The following RBFOX1 variants were observed in gnomAD, a reference collection of about 807,000 sequenced individuals.
The protein encoded by RBFOX1 is RNA binding fox-1 homolog 1.
In RBFOX1, 8 loss-of-function variants were observed where a neutral mutation model predicts 57.7. The ratio of observed to expected loss-of-function variants is 0.14; its 90% CI spans 0.08 to 0.25. The LOEUF is 0.25. Ranked by LOEUF, RBFOX1 falls within the 10% of genes least tolerant of loss-of-function variation. The pLI is 1.00. For synonymous variants in RBFOX1, 326 were observed against 222.4 expected, an observed-to-expected ratio of 1.47 and a Z score of -4.15; for missense variants, 611 against 548.5, an observed-to-expected ratio of 1.11 and a Z score of -1.14.
At chr16:6,149,545 C>G (rs2096783015) in intron 1 of RBFOX1, among the ~76,000 whole-genome samples, 1 of 152,170 alleles carries the variant, frequency 6.6e-6, no homozygotes, top group Non-Finnish European at 1.5e-5. Context: ...CTGGTGCTGA[C>G]TGGGTGAAAT....
intron 2 of RBFOX1, among the ~76,000 whole-genome samples, chr16:5,484,528 A>C (rs1258935098): frequency 6.6e-6 from 1 of 152,142 alleles, no homozygotes; most frequent in African/African-American, 2.4e-5. Flanking sequence ...CCTGTAATCC[A>C]GCCCTTTGGG....
chr16:6,020,461 C>G (rs988328790), intron 1 of RBFOX1, among the ~76,000 whole-genome samples: 1 of 152,118 alleles, frequency 6.6e-6, no homozygotes, highest in Non-Finnish European at 1.5e-5. Flanking sequence ...CCCCGAACCC[C>G]TTGTGGGAGG....
At chr16:6,989,398 A>T (rs1246638294) in intron 3 of RBFOX1, among the ~76,000 whole-genome samples, 5 of 152,184 alleles carry the variant, frequency 3.3e-5, no homozygotes, top group African/African-American at 1.2e-4. Context: ...TGTATAATGA[A>T]TTACAATTTG....
chr16:6,478,429 A>ATTTTTT (rs58352204), intron 2 of RBFOX1, among the ~76,000 whole-genome samples: 301 of 24,482 alleles, frequency 0.012, 20 homozygotes, highest in South Asian at 0.018. Context: ...ATATATATAT[A>ATTTTTT]TTTTTTTTTT....
intron 4 of RBFOX1, among the ~76,000 whole-genome samples, chr16:7,117,062 C>G (rs1377247634): frequency 1.3e-5 from 2 of 151,964 alleles, no homozygotes; most frequent in Non-Finnish European, 2.9e-5. Flanking sequence ...CAAACATCAG[C>G]TATAAATACT....
At chr16:6,313,265 T>C (rs1010745532) in intron 1 of RBFOX1, among the ~76,000 whole-genome samples, 8 of 151,956 alleles carry the variant, frequency 5.3e-5, no homozygotes, top group Non-Finnish European at 8.8e-5. Flanking sequence ...AGGAGTAAGG[T>C]AGGTTTGGAA....
At chr16:7,452,480 T>G (rs2057556832) in intron 4 of RBFOX1, among the ~76,000 whole-genome samples, 1 of 152,186 alleles carries the variant, frequency 6.6e-6, no homozygotes, top group Non-Finnish European at 1.5e-5. Flanking sequence ...GTCTTTCCCA[T>G]TACAGAAAGT....
At chr16:7,095,398 A>T (rs1423292968) in intron 4 of RBFOX1, among the ~76,000 whole-genome samples, 1 of 152,124 alleles carries the variant, frequency 6.6e-6, no homozygotes, top group Non-Finnish European at 1.5e-5. Flanking sequence ...TCAGCCTCCC[A>T]CAGTGCTGGG....
intron 12 of RBFOX1, among the ~76,000 whole-genome samples, chr16:7,662,555 G>A (rs1266870646): frequency 6.6e-6 from 1 of 152,182 alleles, no homozygotes; most frequent in Non-Finnish European, 1.5e-5. Flanking sequence ...GTCAGGAACT[G>A]AGAATAGAAT....
chr16:5,778,757 CT>C (rs2054231503), intron 3 of RBFOX1, among the ~76,000 whole-genome samples: 1 of 152,104 alleles, frequency 6.6e-6, no homozygotes, highest in African/African-American at 2.4e-5. Context: ...GAGTTTTCCC[CT>C]AGTTTGAGCT....
At chr16:6,276,904 A>G (rs1025052390) in intron 1 of RBFOX1, among the ~76,000 whole-genome samples, 1 of 151,690 alleles carries the variant, frequency 6.6e-6, no homozygotes, top group African/African-American at 2.4e-5. Flanking sequence ...TGTGCTTTAT[A>G]TTCGGTACTT....
At chr16:6,047,056 T>C (rs930926035) in intron 1 of RBFOX1, among the ~76,000 whole-genome samples, 13 of 152,170 alleles carry the variant, frequency 8.5e-5, no homozygotes, top group African/African-American at 2.7e-4. Context: ...GCTGAAGATA[T>C]ATTCTCGGAC....
At chr16:6,985,404 C>G (rs1289189051) in intron 3 of RBFOX1, among the ~76,000 whole-genome samples, 1 of 152,148 alleles carries the variant, frequency 6.6e-6, no homozygotes. Flanking sequence ...CAAGGTGACT[C>G]AGGAGGCTTA....
At chr16:5,871,512 G>T (rs577748279) in intron 4 of RBFOX1, among the ~76,000 whole-genome samples, 1 of 152,040 alleles carries the variant, frequency 6.6e-6, no homozygotes, top group Non-Finnish European at 1.5e-5. Context: ...CTGTTTTATC[G>T]CAAAAACGCA....
intron 3 of RBFOX1, among the ~76,000 whole-genome samples, chr16:6,691,897 C>G (rs1401922032): frequency 1.3e-5 from 2 of 149,176 alleles, no homozygotes; most frequent in African/African-American, 5.2e-5. Flanking sequence ...CAGAAAGATG[C>G]TACTTTTCTG....
At chr16:6,971,171 G>C (rs2085450981) in intron 3 of RBFOX1, among the ~76,000 whole-genome samples, 1 of 152,146 alleles carries the variant, frequency 6.6e-6, no homozygotes, top group Non-Finnish European at 1.5e-5. Context: ...GGAAATTATT[G>C]GGAAAAAGTA....
At chr16:6,379,718 C>T (rs879658575) in intron 2 of RBFOX1, among the ~76,000 whole-genome samples, 11 of 149,672 alleles carry the variant, frequency 7.3e-5, no homozygotes, top group Non-Finnish European at 1.3e-4. Context: ...ACCCTGTAAT[C>T]ATGATGGTGG....
chr16:6,434,023 T>A (rs2094169672), intron 2 of RBFOX1, among the ~76,000 whole-genome samples: 1 of 152,006 alleles, frequency 6.6e-6, no homozygotes, highest in Non-Finnish European at 1.5e-5. Flanking sequence ...AATTTATGTA[T>A]TTTTCATAGA....
chr16:5,889,565 C>G (rs1344243787), intron 4 of RBFOX1, among the ~76,000 whole-genome samples: 1 of 152,168 alleles, frequency 6.6e-6, no homozygotes, highest in Non-Finnish European at 1.5e-5. Flanking sequence ...GATTGATATT[C>G]TTTTGGATGT....
Sources: allele counts gnomAD v4.1 joint callset (sites outside exome capture counted in the v4.1 genomes callset), GRCh38; gene constraint gnomAD v4.1.1; transcripts MANE v1.5; gene names NCBI Gene and HGNC (gene_info 2026-07-23, HGNC 2026-07-21).